FTSJ3: variants seen among roughly 807,000 people sequenced by gnomAD.
FTSJ3 encodes the protein pre-rRNA 2'-O-ribose RNA methyltransferase FTSJ3.
A neutral mutation model predicts 111.5 loss-of-function variants in FTSJ3; 46 were observed. That is an observed-to-expected ratio of 0.41 (90% confidence interval 0.33 to 0.53). The LOEUF (loss-of-function observed/expected upper bound fraction) is 0.53. Ranked by LOEUF, FTSJ3 falls within the 20% of genes least tolerant of loss-of-function variation. FTSJ3 has a pLI of 0.19. For synonymous variants in FTSJ3, 408 were observed against 383.0 expected (o/e 1.07, Z -0.76); for missense variants, 1,075 against 1,063.8 (o/e 1.01, Z -0.15).
intron 5 of FTSJ3, 47 bp downstream of exon 5, chr17:63,826,009 T>C (rs1407703356): frequency 4.1e-6 from 6 of 1,470,198 alleles, no homozygotes; most frequent in Non-Finnish European, 4.7e-6. Flanking sequence ...TTCAGGGATG[T>C]AGATGTTTCC....
In FTSJ3 at chr17:63,824,140, T is replaced by TTCC. The variant is rs760403881; in HGVS notation, c.1095_1097dup (p.Glu366dup). On this transcript the variant is annotated inframe_insertion, in exon 12 of 21. Transcript: ENST00000427159. The stretch of plus-strand genomic sequence containing the variant: ...TTTCTGCCAAGGTCTGGTTCAGTTG[T>TTCC]TCCTCCTCCTCCTCTTCCTCCTCCT... 39 of 1,614,064 alleles carry TTCC rather than the reference T, an allele frequency of 2.4e-5. No individual in the cohort carries two copies. The highest frequency in any genetic ancestry group is 3.3e-5 in the Non-Finnish European group (39 of 1,179,946).
Position 63,827,392 on chromosome 17 carries a change from G to C in FTSJ3, c.-367C>G, listed in dbSNP as rs1451245311. 1 of 1,526,048 alleles carries C rather than the reference G, an allele frequency of 6.6e-7. No homozygotes were observed. The highest frequency in any genetic ancestry group is 8.9e-7 in the Non-Finnish European group (1 of 1,124,840). 94.5% of individuals were successfully genotyped at this position (1,526,048 alleles called of 1,614,324 possible). On this transcript the variant is annotated 5_prime_UTR_variant, in exon 1 of 21. Coordinates refer to ENST00000427159, the MANE Select transcript of FTSJ3 (RefSeq NM_017647.4). ...CGCCGCACACCCCGCCCATTGACCC[G>C]GAATTCTTCTCTGCCTGGTCTTCAG...
At position 63,824,356 on chromosome 17, in the gene FTSJ3, C is replaced by T; in HGVS notation, c.973G>A (p.Glu325Lys). 6.2e-7 allele frequency: 1 copy of T among 1,614,250 alleles called. No homozygotes were observed. The highest frequency in any genetic ancestry group is 8.5e-7 in the Non-Finnish European group (1 of 1,180,050). Residue 325 changes from glutamate to lysine, a missense_variant, in exon 11 of 21, where the codon GAA becomes AAA. Glu to Lys is a moderately conservative substitution (Grantham distance 56). This residue lies in a region of FTSJ3 where 867 missense variants were observed against 796.9 expected (regional missense o/e 1.09). Transcript: ENST00000427159. The stretch of plus-strand genomic sequence containing the variant: ...CTGATGTCCAGTGCCTTTGCTTGTT[C>T]TTTCAGCTTCTTGGCCACATATCGC... ...LRRYVAKKLK[E>K]QAKALDISLS...
Position 63,822,175 on chromosome 17 carries a change from T to C in FTSJ3, c.1291-7A>G, listed in dbSNP as rs780088598. The C allele has an allele frequency of 6.2e-7, 1 of 1,611,610 alleles. No individual in the cohort carries two copies. The highest frequency in any genetic ancestry group is 1.1e-5 in the South Asian group (1 of 90,700). The stretch of plus-strand genomic sequence containing the variant: ...GTGTTACTTCCTCTAATAACTGAAG[T>C]GTAACAGAAACAAAGGTAAACTATT... On this transcript the variant is annotated splice_polypyrimidine_tract_variant and splice_region_variant and intron_variant, in intron 13 of 20. Coordinates refer to ENST00000427159, the MANE Select transcript of FTSJ3 (RefSeq NM_017647.4).
intron 13 of FTSJ3, among the ~76,000 whole-genome samples, chr17:63,823,265 T>C (rs963321735): frequency 4.6e-5 from 7 of 152,194 alleles, no homozygotes; most frequent in African/African-American, 1.7e-4. Context: ...GCATCTACTA[T>C]AACCTAAGTT....
rs572365650 is a variant in FTSJ3 at position 63,824,566 on chromosome 17, C to T, written c.917+71G>A. Reference sequence around the variant, plus strand: ...CCTTTAGCACAGCAATATCCTCTTCCCAGAGGTCCAACATCATGGCCTTTC... The same window carrying T: ...CCTTTAGCACAGCAATATCCTCTTCTCAGAGGTCCAACATCATGGCCTTTC... On this transcript the variant is annotated intron_variant, in intron 10 of 20. Coordinates refer to ENST00000427159, the MANE Select transcript of FTSJ3 (RefSeq NM_017647.4). 4.8e-6 allele frequency: 7 copies of T among 1,444,284 alleles called. No individual in the cohort carries two copies. The South Asian group carries it at 6.8e-5, about 14-fold the overall frequency. 89.5% of individuals were successfully genotyped at this position (1,444,284 alleles called of 1,614,324 possible).
In FTSJ3 at chr17:63,823,872, A is replaced by G. The variant is rs771482345; in HGVS notation, c.1235T>C (p.Ile412Thr). The G allele has an allele frequency of 3.7e-6, 6 of 1,614,038 alleles. No individual in the cohort carries two copies. The highest frequency in any genetic ancestry group is 2.7e-5 in the African/African-American group (2 of 74,918). ...ELKMDLPGVSIADEGETGMFS... is the reference protein window; with the variant it reads ...ELKMDLPGVSTADEGETGMFS... ...CATGCCAGTCTCCCCCTCGTCTGCA[A>G]TGGAAACCCCAGGCAGATCCATCTT... The change falls in exon 13 of 21, where the codon ATT (isoleucine) becomes ACT (threonine). Residue 412 changes from isoleucine to threonine, a missense_variant. By Grantham distance (89) the Ile-to-Thr change is moderately conservative. Coordinates refer to ENST00000427159, the MANE Select transcript of FTSJ3 (RefSeq NM_017647.4).
Position 63,825,044 on chromosome 17 carries a change from A to T in FTSJ3, c.711+4T>A. 1 of 1,613,106 alleles carries T rather than the reference A, an allele frequency of 6.2e-7. No homozygotes were observed. Among genetic ancestry groups the T allele is most frequent in the Non-Finnish European group, 8.5e-7 (1 of 1,179,074 alleles). On this transcript the variant is annotated splice_donor_region_variant and intron_variant, in intron 8 of 20. Transcript: ENST00000427159. ...CAAGAGTGACCCCATTCCCCAAAAC[A>T]CACCTTTGGCTTCTTCTTAGTAACC...
intron 13 of FTSJ3, among the ~76,000 whole-genome samples, chr17:63,822,398 GTATCACAAA>G (rs992040020): frequency 2.6e-5 from 4 of 152,082 alleles, no homozygotes; most frequent in African/African-American, 9.7e-5. Flanking sequence ...TGTCTCAGTG[GTATCACAAA>G]TAGGTCTTAA....
chr17:63,826,465 G>T, intron 3 of FTSJ3, 102 bp downstream of exon 3: 2 of 1,209,004 alleles, frequency 1.7e-6, no homozygotes, highest in South Asian at 1.2e-5. Context: ...CCCCCAAGAG[G>T]ACCGGGATTC....
rs9908605 is a variant in FTSJ3, at chr17:63,821,365, C to T, written c.1875G>A (p.Glu625=). The T allele has an allele frequency of 6.0e-3, 9,587 of 1,606,058 alleles. 492 individuals carry two copies. In the African/African-American group the frequency reaches 0.11, roughly 19 times the overall value. Residue 625 remains glutamate, a synonymous_variant, in exon 16 of 21, where the codon GAG becomes GAA. Transcript: ENST00000427159. The part of the protein sequence containing the change: ...ISDSDSSTSS[E]EEESWEPLRG... Reference sequence around the variant, plus strand: ...CTGCAACTACTCACCTCTCTTCTTCCTCACTGCTAGTACTGCTATCACTGT... The same window carrying T: ...CTGCAACTACTCACCTCTCTTCTTCTTCACTGCTAGTACTGCTATCACTGT...
At chr17:63,820,553 G>A (rs569943307) in intron 18 of FTSJ3, 115 bp from the exon 19 acceptor site, 2 of 1,032,500 alleles carry the variant, frequency 1.9e-6, no homozygotes, top group Non-Finnish European at 2.9e-6. Context: ...GGCTGAGGTG[G>A]GCAGATCACC....
chr17:63,822,917 T>C (rs1416299754), intron 13 of FTSJ3, among the ~76,000 whole-genome samples: 2 of 152,228 alleles, frequency 1.3e-5, no homozygotes, highest in Non-Finnish European at 2.9e-5. Context: ...ATGAGGAAAC[T>C]GAGGCAGCAA....
Position 63,826,559 on chromosome 17 carries a change from T to G in FTSJ3, c.173+8A>C. The G allele has an allele frequency of 6.2e-7, 1 of 1,611,082 alleles. No individual in the cohort carries two copies. Among genetic ancestry groups the G allele is most frequent in the Non-Finnish European group, 8.5e-7 (1 of 1,177,458 alleles). On this transcript the variant is annotated splice_region_variant and intron_variant, in intron 3 of 20. Transcript: ENST00000427159. Reference sequence around the variant, plus strand: ...CACCAGGAGCAACCTGTGGCGAGTGTTACGAACCATCCCCCTGGCGCAGCA... The same window carrying G: ...CACCAGGAGCAACCTGTGGCGAGTGGTACGAACCATCCCCCTGGCGCAGCA...
At chr17:63,823,744 C>G (rs925397323) in intron 13 of FTSJ3, 73 bp downstream of exon 13, 13 of 1,540,344 alleles carry the variant, frequency 8.4e-6, no homozygotes, top group Non-Finnish European at 1.1e-5. Context: ...AAAAGACATT[C>G]AACACCCCCC....
In FTSJ3 at chr17:63,826,917, G is replaced by C. The variant is rs2040112119; in HGVS notation, c.-15C>G. On this transcript the variant is annotated 5_prime_UTR_variant, in exon 2 of 21. Transcript: ENST00000427159. ...TTCTTGCCCATGGTGGAAAGGGGGA[G>C]TATCCCTCAATCTGGGGAGAAAGTA... is the stretch of plus-strand genomic sequence containing the variant. The C allele has an allele frequency of 6.2e-7, 1 of 1,609,514 alleles. No homozygotes were observed. The highest frequency in any genetic ancestry group is 1.3e-5 in the African/African-American group (1 of 74,800).
chr17:63,824,009 C>T lies in FTSJ3; in HGVS notation c.1155-57G>A, dbSNP rs569836982. ...CCCAGCTCCAAAGTTTCTATCCATG[C>T]CTTGCATTTTCTTCTCCCATCTTCA... is the stretch of plus-strand genomic sequence containing the variant. On this transcript the variant is annotated intron_variant, in intron 12 of 20. Transcript: ENST00000427159. The T allele has an allele frequency of 2.3e-5, 37 of 1,613,650 alleles. No homozygotes were observed. In the East Asian group the frequency reaches 6.0e-4, roughly 26 times the overall value.
intron 18 of FTSJ3, 140 bp downstream of exon 18, chr17:63,820,699 G>C (rs2040040880): frequency 3.2e-6 from 2 of 623,572 alleles, no homozygotes; most frequent in Non-Finnish European, 2.7e-6. Flanking sequence ...GATTCAAGGA[G>C]AATCAGGCTG....
At position 63,824,814 on chromosome 17, in the gene FTSJ3, T is replaced by C. The variant is rs1196643430; in HGVS notation, c.816+11A>G. On this transcript the variant is annotated intron_variant, in intron 9 of 20. Transcript: ENST00000427159. ...GGGGCTACCTCATGTCCCTCAAGGC[T>C]GGAGACTCACTTCGCTGGCCTTGGA... 3.1e-6 allele frequency: 5 copies of C among 1,611,038 alleles called. No homozygotes were observed. Among genetic ancestry groups the C allele is most frequent in the East Asian group, 2.2e-5 (1 of 44,882 alleles).
Sources: allele counts gnomAD v4.1 joint callset (sites outside exome capture counted in the v4.1 genomes callset), GRCh38; gene constraint gnomAD v4.1.1; regional missense constraint gnomAD v4.1.1; transcripts MANE v1.5; gene names NCBI Gene and HGNC (gene_info 2026-07-23, HGNC 2026-07-21).